Variants in TOM1L1 observed in about 807,000 individuals in gnomAD.
TOM1L1 encodes the protein TOM1-like protein 1.
A neutral mutation model predicts 63.4 loss-of-function variants in TOM1L1; 64 were observed. The ratio of observed to expected loss-of-function variants is 1.01; its 90% confidence interval spans 0.83 to 1.24. TOM1L1 has a LOEUF of 1.24. TOM1L1 is among the 50% of genes most tolerant of loss of function. The pLI, the probability that TOM1L1 is intolerant of heterozygous loss-of-function variation, is 0.00. For synonymous variants in TOM1L1, 166 were observed against 194.4 expected, an observed-to-expected ratio of 0.85 and a Z score of 1.22; for missense variants, 536 against 567.0, an observed-to-expected ratio of 0.95 and a Z score of 0.55.
At chr17:54,939,201 T>C (rs771021384) in intron 11 of TOM1L1, among the ~76,000 whole-genome samples, 181 bp downstream of exon 11, 1 of 152,264 alleles carries the variant, frequency 6.6e-6, no homozygotes, top group South Asian at 2.1e-4. Context: ...TGGCAAAACC[T>C]CATCTCTAGT....
chr17:54,946,443 G>GA (rs2049120287), intron 11 of TOM1L1, among the ~76,000 whole-genome samples: 1 of 152,050 alleles, frequency 6.6e-6, no homozygotes, highest in East Asian at 1.9e-4. Flanking sequence ...GGACAGAAAG[G>GA]AAAAAAGCTG....
chr17:54,905,621 C>A lies in TOM1L1; in HGVS notation c.222+54C>A, dbSNP rs552845624. ...TCGAGGATTTCTCAAGCTATAGTTA[C>A]ATTTTTAATCCTGGGTAAAAAATAA... On this transcript the variant is annotated intron_variant, in intron 3 of 15. Coordinates refer to ENST00000575882, the MANE Select transcript of TOM1L1 (RefSeq NM_005486.3). The A allele has an allele frequency of 1.3e-5, 15 of 1,146,416 alleles. No homozygotes were observed. The South Asian group carries it at 1.6e-4, about 13-fold the overall frequency. 71.0% of individuals were successfully genotyped at this position (1,146,416 alleles called of 1,614,324 possible). A position where few individuals can be genotyped will look rare whatever the true frequency, so the allele number is the denominator to read the frequency against.
chr17:54,917,365 C>G (rs2048607982), intron 7 of TOM1L1: 1 of 152,080 alleles, frequency 6.6e-6, no homozygotes, highest in Non-Finnish European at 1.5e-5. Context: ...GATAATTTCT[C>G]TGTTTAATGT....
At chr17:54,925,731 C>G (rs1326989483) in intron 7 of TOM1L1, among the ~76,000 whole-genome samples, 1 of 152,114 alleles carries the variant, frequency 6.6e-6, no homozygotes, top group Admixed American at 6.6e-5. Flanking sequence ...TGGTGAAACC[C>G]CGTCTCTACT....
chr17:54,954,121 G>T (rs988445126), intron 14 of TOM1L1: 2 of 152,128 alleles, frequency 1.3e-5, no homozygotes, highest in Admixed American at 6.5e-5. Context: ...ACACCTCAAC[G>T]GGCCAGGTCA....
In TOM1L1 at chr17:54,912,747, G is replaced by T. The variant is rs374110866; in HGVS notation, c.304G>T (p.Val102Phe). Residue 102 changes from valine to phenylalanine, a missense_variant, in exon 4 of 16, where the codon GTT becomes TTT. Val to Phe is a conservative substitution (Grantham distance 50, BLOSUM62 -1). Coordinates refer to ENST00000575882, the MANE Select transcript of TOM1L1 (RefSeq NM_005486.3). Reference protein sequence around the residue: ...VKKEFVKENLVKLLNPRYNLP... With the variant: ...VKKEFVKENLFKLLNPRYNLP... ...GAAGGAATTTGTTAAAGAGAATTTAGTTAAGCTACTGAATCCCAGATACAA... is the reference window on the plus strand; with the variant it reads ...GAAGGAATTTGTTAAAGAGAATTTATTTAAGCTACTGAATCCCAGATACAA... 1 of 1,611,400 alleles carries T rather than the reference G, an allele frequency of 6.2e-7. No individual in the cohort carries two copies. Among genetic ancestry groups the T allele is most frequent in the South Asian group, 1.1e-5 (1 of 90,392 alleles).
chr17:54,915,993 C>A, intron 7 of TOM1L1, 131 bp downstream of exon 7: 2 of 552,726 alleles, frequency 3.6e-6, no homozygotes, highest in South Asian at 3.2e-5. Context: ...CAGTTGATTT[C>A]TAAACTTAAC....
chr17:54,960,224 G>A (rs761766997), intron 14 of TOM1L1, among the ~76,000 whole-genome samples: 16 of 152,136 alleles, frequency 1.1e-4, no homozygotes, highest in Middle Eastern at 3.4e-3. Context: ...AATTAGCTGG[G>A]CATGGTTGTG....
intron 12 of TOM1L1, among the ~76,000 whole-genome samples, chr17:54,948,736 CT>C (rs2049161083): frequency 6.6e-6 from 1 of 152,216 alleles, no homozygotes; most frequent in African/African-American, 2.4e-5. Context: ...TGCCTGGCAG[CT>C]GGTAGGTGGC....
intron 11 of TOM1L1, among the ~76,000 whole-genome samples, chr17:54,944,062 T>G (rs1284502717): frequency 2.6e-5 from 4 of 152,086 alleles, no homozygotes; most frequent in Non-Finnish European, 4.4e-5. Context: ...CTATAATAGT[T>G]ATCTTATATA....
At chr17:54,919,237 G>T (rs1031290089) in intron 7 of TOM1L1, among the ~76,000 whole-genome samples, 1 of 152,150 alleles carries the variant, frequency 6.6e-6, no homozygotes, top group Non-Finnish European at 1.5e-5. Context: ...TAACACGTGT[G>T]TTAAACTAAA....
In TOM1L1 at chr17:54,906,640, C is replaced by T. The variant is rs557071423; in HGVS notation, c.222+1073C>T. ...CTCATTAAATTCCAAACAAGTTCTG[C>T]TGCCTGGCGTGATTTGGAGAATGTT... is the stretch of plus-strand genomic sequence containing the variant. On this transcript the variant is annotated intron_variant, in intron 3 of 15. Coordinates refer to ENST00000575882, the MANE Select transcript of TOM1L1 (RefSeq NM_005486.3). 5.8e-5 allele frequency: 26 copies of T among 451,602 alleles called. No individual in the cohort carries two copies. In the South Asian group the frequency reaches 2.0e-3, roughly 34 times the overall value. The allele number at this position is 451,602 out of a possible 1,614,324, so 28.0% of individuals were successfully genotyped here.
chr17:54,932,395 G>A (rs1166005340), intron 8 of TOM1L1, among the ~76,000 whole-genome samples: 26 of 152,126 alleles, frequency 1.7e-4, no homozygotes, highest in Admixed American at 1.7e-3. Context: ...TAGGTCAGGG[G>A]TCGATCTTTA....
chr17:54,928,812 C>CT lies in TOM1L1; in HGVS notation c.721-1252dup, dbSNP rs1381056002. Reference sequence around the variant, plus strand: ...AAAGTCTATCATCTGTCTGACTCACCTTTTTTTTTCTCTTTATGTCATGTT... The same window carrying CT: ...AAAGTCTATCATCTGTCTGACTCACCTTTTTTTTTTCTCTTTATGTCATGTT... On this transcript the variant is annotated intron_variant, in intron 7 of 15. Transcript: ENST00000575882. Among the ~76,000 whole-genome samples the CT allele has an allele frequency of 2.6e-5, 4 of 151,248 alleles. No individual in the cohort carries two copies. The South Asian group carries it at 6.3e-4, about 24-fold the overall frequency.
At position 54,958,453 on chromosome 17, in the gene TOM1L1, G is replaced by A. The variant is rs191433266; in HGVS notation, c.1371-2113G>A. 565 of 152,350 alleles carry A rather than the reference G, an allele frequency of 3.7e-3. 5 individuals carry two copies. Among genetic ancestry groups the A allele is most frequent in the South Asian group, 7.3e-3 (35 of 4,820 alleles). The allele number at this position is 152,350 out of a possible 1,614,324, so 9.4% of individuals were successfully genotyped here. The stretch of plus-strand genomic sequence containing the variant: ...CAGTGATGAAAACAGGTTTGGGGCC[G>A]GGCACGGTGGCTCACGCCTATAATC... On this transcript the variant is annotated intron_variant, in intron 14 of 15. Coordinates refer to ENST00000575882, the MANE Select transcript of TOM1L1 (RefSeq NM_005486.3).
At position 54,930,149 on chromosome 17, in the gene TOM1L1, CTG is replaced by C; in HGVS notation, c.799_800del (p.Val267Ter). ...GTGGTGGTGGAGAACGAAGATGTAA[CTG>C]TTGAGCTAATTCAGGTGAATGAGGA... On this transcript the variant is annotated frameshift_variant, in exon 8 of 16. Coordinates refer to ENST00000575882, the MANE Select transcript of TOM1L1 (RefSeq NM_005486.3). LOFTEE classifies it high-confidence loss of function. The C allele has an allele frequency of 5.6e-6, 9 of 1,614,090 alleles. No individual in the cohort carries two copies. Among genetic ancestry groups the C allele is most frequent in the Non-Finnish European group, 6.8e-6 (8 of 1,179,986 alleles).
intron 7 of TOM1L1, among the ~76,000 whole-genome samples, chr17:54,926,678 G>A (rs1385729438): frequency 6.6e-6 from 1 of 151,432 alleles, no homozygotes; most frequent in Non-Finnish European, 1.5e-5. Context: ...GAAAAAGAAA[G>A]CCATCCTCCC....
chr17:54,956,608 CTTTTAAT>C (rs2049517024), intron 14 of TOM1L1, among the ~76,000 whole-genome samples: 1 of 152,054 alleles, frequency 6.6e-6, no homozygotes, highest in Non-Finnish European at 1.5e-5. Flanking sequence ...CGTGCCTAGC[CTTTTAAT>C]TTTTTTCTTT....
chr17:54,925,638 G>C (rs897125677), intron 7 of TOM1L1, among the ~76,000 whole-genome samples: 1 of 152,136 alleles, frequency 6.6e-6, no homozygotes, highest in African/African-American at 2.4e-5. Context: ...ATGCGATGGA[G>C]CACGCCTGTA....
Sources: allele counts gnomAD v4.1 joint callset (sites outside exome capture counted in the v4.1 genomes callset), GRCh38; gene constraint gnomAD v4.1.1; transcripts MANE v1.5; gene names NCBI Gene and HGNC (gene_info 2026-07-23, HGNC 2026-07-21).